Variants in TECPR2 observed in about 807,000 individuals in gnomAD.
The protein encoded by TECPR2 is tectonin beta-propeller repeat-containing protein 2.
A neutral mutation model predicts 138.1 loss-of-function variants in TECPR2; 65 were observed. That is an observed-to-expected ratio of 0.47 (90% confidence interval 0.39 to 0.58). The LOEUF (loss-of-function observed/expected upper bound fraction) is 0.58. TECPR2 is among the 20% of genes least tolerant of loss of function. TECPR2 has a pLI of 0.00. For synonymous variants in TECPR2, 746 were observed against 749.8 expected, an observed-to-expected ratio of 0.99 and a Z score of 0.08; for missense variants, 1,553 against 1,824.5, an observed-to-expected ratio of 0.85 and a Z score of 2.71.
At chr14:102,378,965 A>G (rs1259463229) in intron 2 of TECPR2, among the ~76,000 whole-genome samples, 1 of 152,160 alleles carries the variant, frequency 6.6e-6, no homozygotes, top group Admixed American at 6.5e-5. Context: ...AACTACTGCT[A>G]TTTCTTCTCT....
chr14:102,399,485 C>A (rs1888412539), intron 2 of TECPR2, among the ~76,000 whole-genome samples: 1 of 152,086 alleles, frequency 6.6e-6, no homozygotes, highest in East Asian at 1.9e-4. Context: ...CAAGTGAGTC[C>A]TGCAGAGGGA....
chr14:102,376,730 G>T lies in TECPR2; in HGVS notation c.9G>T (p.Ser3=), dbSNP rs757589409. The T allele has an allele frequency of 6.2e-7, 1 of 1,614,136 alleles. No homozygotes were observed. Among genetic ancestry groups the T allele is most frequent in the African/African-American group, 1.3e-5 (1 of 75,040 alleles). The change falls in exon 2 of 20, where the codon TCG becomes TCT. Residue 3 remains serine, a synonymous_variant. Coordinates refer to ENST00000359520, the MANE Select transcript of TECPR2 (RefSeq NM_014844.5). Reference sequence around the variant, plus strand: ...CTGTGGAAACCTTGGCCATGGCATCGATATCAGAGCCTGTTACATTCAGAG... The same window carrying T: ...CTGTGGAAACCTTGGCCATGGCATCTATATCAGAGCCTGTTACATTCAGAG... MA[S]ISEPVTFREF...
chr14:102,431,018 T>G (rs1409246019), intron 7 of TECPR2, among the ~76,000 whole-genome samples: 2 of 131,312 alleles, frequency 1.5e-5, no homozygotes, highest in African/African-American at 5.8e-5. Context: ...TCTTAGTATT[T>G]TTTTACTTTT....
Position 102,403,212 on chromosome 14 carries a change from A to G in TECPR2, c.220-4126A>G, listed in dbSNP as rs138694272. On this transcript the variant is annotated intron_variant, in intron 2 of 19. Transcript: ENST00000359520. ...TGACCAAAGTGGGATATATTTCTGG[A>G]ATGCAAGGATGGTTCAACATATGAA... Among the ~76,000 whole-genome samples, 522 of 152,328 alleles carry G rather than the reference A, an allele frequency of 3.4e-3. 5 individuals carry two copies. The highest frequency in any genetic ancestry group is 0.012 in the African/African-American group (492 of 41,580).
chr14:102,463,722 G>A (rs936749837), intron 16 of TECPR2, among the ~76,000 whole-genome samples: 6 of 151,640 alleles, frequency 4.0e-5, no homozygotes, highest in African/African-American at 1.5e-4. Context: ...TCAGGAGTTC[G>A]AGACCAGCCT....
At position 102,376,663 on chromosome 14, in the gene TECPR2, C is replaced by G; in HGVS notation, c.-59C>G. On this transcript the variant is annotated 5_prime_UTR_variant, in exon 2 of 20. Transcript: ENST00000359520. Reference sequence around the variant, plus strand: ...TTTGTTCTGTAGCCCCCAGGTTTCCCTAGATGACAAATAAACATTCCTTTT... The same window carrying G: ...TTTGTTCTGTAGCCCCCAGGTTTCCGTAGATGACAAATAAACATTCCTTTT... 1 of 1,512,988 alleles carries G rather than the reference C, an allele frequency of 6.6e-7. No homozygotes were observed. The highest frequency in any genetic ancestry group is 1.1e-5 in the South Asian group (1 of 87,200). The allele number at this position is 1,512,988 out of a possible 1,614,324, so 93.7% of individuals were successfully genotyped here. A position where few individuals can be genotyped will look rare whatever the true frequency, so the allele number is the denominator to read the frequency against.
At chr14:102,436,066 T>C (rs1889662621) in intron 9 of TECPR2, among the ~76,000 whole-genome samples, 2 of 152,228 alleles carry the variant, frequency 1.3e-5, no homozygotes, top group Admixed American at 1.3e-4. Context: ...CAAAGCACTT[T>C]AGAGGTTTAA....
intron 2 of TECPR2, among the ~76,000 whole-genome samples, chr14:102,401,935 A>G (rs1484121300): frequency 6.6e-6 from 1 of 152,186 alleles, no homozygotes; most frequent in Non-Finnish European, 1.5e-5. Flanking sequence ...TATCAGACAA[A>G]AAGAGTTACA....
At chr14:102,405,875 T>C (rs570355218) in intron 2 of TECPR2, among the ~76,000 whole-genome samples, 3 of 152,316 alleles carry the variant, frequency 2.0e-5, no homozygotes, top group Admixed American at 1.3e-4. Context: ...TGATATGTGC[T>C]ATAACACGGA....
At chr14:102,452,242 C>A in intron 15 of TECPR2, 152 bp from the exon 16 acceptor site, 1 of 677,986 alleles carries the variant, frequency 1.5e-6, no homozygotes, top group Non-Finnish European at 2.5e-6. Context: ...TGCTACACCG[C>A]TCCTGCCCGT....
chr14:102,451,361 G>C (rs1057270290), intron 15 of TECPR2, among the ~76,000 whole-genome samples: 6 of 152,218 alleles, frequency 3.9e-5, no homozygotes, highest in African/African-American at 1.4e-4. Flanking sequence ...CGTTTGCTTA[G>C]TTCAAACCAT....
At chr14:102,442,441 C>T (rs946241073) in intron 11 of TECPR2, among the ~76,000 whole-genome samples, 1 of 152,222 alleles carries the variant, frequency 6.6e-6, no homozygotes, top group African/African-American at 2.4e-5. Flanking sequence ...CAGCCTAGTT[C>T]CTGTGTCTTT....
rs780122250 is a variant in TECPR2, at chr14:102,498,139, C to G, written c.4118C>G (p.Pro1373Arg). ...GATGAGCTGTGGGCTGTGGGCCCGC[C>G]CGGCTACCTCCTCCAACGGCTGACA... is the stretch of plus-strand genomic sequence containing the variant. ...ASDELWAVGP[P>R]GYLLQRLTKT... is the part of the protein sequence containing the mutation. The change falls in exon 20 of 20, where the codon CCC becomes CGC. Residue 1373 changes from proline to arginine, a missense_variant. Physicochemically the swap from Pro to Arg is moderately radical, Grantham distance 103. Coordinates refer to ENST00000359520, the MANE Select transcript of TECPR2 (RefSeq NM_014844.5). 1.6e-5 allele frequency: 26 copies of G among 1,613,394 alleles called. No homozygotes were observed. Among genetic ancestry groups the G allele is most frequent in the Non-Finnish European group, 2.1e-5 (25 of 1,179,950 alleles).
At chr14:102,418,622 G>A (rs1199049139) in intron 5 of TECPR2, among the ~76,000 whole-genome samples, 1 of 152,218 alleles carries the variant, frequency 6.6e-6, no homozygotes. Flanking sequence ...CTGCCCATGG[G>A]GCTCTTTCAG....
In TECPR2 at chr14:102,499,644, ACC is replaced by A; in HGVS notation, c.*1390_*1391del. ...CCCCTTCAGACAATGGGCAGTGCCCACCCCGCCCACTGGCATCTGCGTGTGAG... is the reference window on the plus strand; with the variant it reads ...CCCCTTCAGACAATGGGCAGTGCCCACCGCCCACTGGCATCTGCGTGTGAG... On this transcript the variant is annotated 3_prime_UTR_variant, in exon 20 of 20. Transcript: ENST00000359520. 1 of 197,512 alleles carries A rather than the reference ACC, an allele frequency of 5.1e-6. No homozygotes were observed. The highest frequency in any genetic ancestry group is 9.6e-5 in the South Asian group (1 of 10,468). 12.2% of individuals were successfully genotyped at this position (197,512 alleles called of 1,614,324 possible). A position where few individuals can be genotyped will look rare whatever the true frequency, so the allele number is the denominator to read the frequency against.
chr14:102,415,244 T>C lies in TECPR2; in HGVS notation c.638+451T>C, dbSNP rs1480235685. On this transcript the variant is annotated intron_variant, in intron 5 of 19. Transcript: ENST00000359520. This position sits in a 1 kb window ranked among gnomAD's most constrained non-coding sequence, Gnocchi z 4.3. ...AACACGGCAGATCTGAGCCCTCCGT[T>C]GTGGAAATGGAAACACAGATAGAAC... is the stretch of plus-strand genomic sequence containing the variant. Among the ~76,000 whole-genome samples, 1 of 152,178 alleles carries C rather than the reference T, an allele frequency of 6.6e-6. No individual in the cohort carries two copies. Among genetic ancestry groups the C allele is most frequent in the Non-Finnish European group, 1.5e-5 (1 of 68,024 alleles).
chr14:102,400,832 G>A (rs974459034), intron 2 of TECPR2, among the ~76,000 whole-genome samples: 34 of 151,988 alleles, frequency 2.2e-4, no homozygotes, highest in Admixed American at 2.1e-3. Context: ...AGGAGTTCAA[G>A]ACTAGCCTGG....
intron 2 of TECPR2, among the ~76,000 whole-genome samples, chr14:102,405,217 G>C (rs1473151998): frequency 1.3e-5 from 2 of 152,128 alleles, no homozygotes; most frequent in Non-Finnish European, 2.9e-5. Flanking sequence ...GCTGAGGCAT[G>C]AGAATCACTT....
chr14:102,444,156 T>C (rs1323042662), intron 12 of TECPR2, among the ~76,000 whole-genome samples: 1 of 152,092 alleles, frequency 6.6e-6, no homozygotes, highest in African/African-American at 2.4e-5. Context: ...ATATTTTTCT[T>C]TATTTTCATG....
Sources: allele counts gnomAD v4.1 joint callset (sites outside exome capture counted in the v4.1 genomes callset), GRCh38; gene constraint gnomAD v4.1.1; non-coding constraint Gnocchi (gnomAD v3.1); transcripts MANE v1.5; gene names NCBI Gene and HGNC (gene_info 2026-07-23, HGNC 2026-07-21).